Variants in LRRC8D observed in about 807,000 individuals in gnomAD.
LRRC8D encodes the protein leucine rich repeat containing 8 VRAC subunit D, also known as volume-regulated anion channel subunit LRRC8D.
Under a neutral mutation model 55.8 loss-of-function variants are expected in LRRC8D, and 20 were observed. The observed-to-expected ratio is 0.36, with a 90% CI of 0.25 to 0.52. The LOEUF is 0.52. Ranked by LOEUF, LRRC8D falls within the 20% of genes least tolerant of loss-of-function variation. The probability of loss-of-function intolerance (pLI) is 0.93; values close to 1 mark genes in which losing one functional copy is unlikely to be tolerated. For synonymous variants in LRRC8D, 352 were observed against 377.0 expected (o/e 0.93, Z 0.77); for missense variants, 651 against 1,030.8 (o/e 0.63, Z 5.05).
chr1:89,868,336 A>G (rs1054573501), intron 2 of LRRC8D, among the ~76,000 whole-genome samples: 2 of 152,182 alleles, frequency 1.3e-5, no homozygotes, highest in Non-Finnish European at 2.9e-5. Context: ...ACATTATAAT[A>G]AGTAAAAACA....
intron 2 of LRRC8D, among the ~76,000 whole-genome samples, chr1:89,886,561 TTAA>T (rs1421315108): frequency 2.2e-4 from 33 of 152,336 alleles, no homozygotes; most frequent in Admixed American, 2.0e-3. Flanking sequence ...CTTAAAGCAC[TTAA>T]TAATAAGCAA....
intron 2 of LRRC8D, among the ~76,000 whole-genome samples, chr1:89,920,651 A>G (rs767100335): frequency 1.6e-4 from 25 of 151,674 alleles, no homozygotes; most frequent in South Asian, 1.2e-3. Context: ...TGTAATACCC[A>G]TAACTATTAA....
chr1:89,859,874 T>C (rs1235411157), intron 2 of LRRC8D, among the ~76,000 whole-genome samples: 1 of 152,230 alleles, frequency 6.6e-6, no homozygotes, highest in Non-Finnish European at 1.5e-5. Flanking sequence ...GAGGTGGTTG[T>C]AAATAGGAAA....
At chr1:89,896,395 C>T (rs900889196) in intron 2 of LRRC8D, among the ~76,000 whole-genome samples, 2 of 152,114 alleles carry the variant, frequency 1.3e-5, no homozygotes, top group African/African-American at 4.8e-5. Context: ...GTGCCTGGCT[C>T]GTGGTCACGT....
rs998025176 is a variant in LRRC8D, at chr1:89,855,157, G to A, written c.-3+11375G>A. 3.3e-5 allele frequency among the ~76,000 whole-genome samples: 5 copies of A among 152,220 alleles called. No individual in the cohort carries two copies. The East Asian group carries it at 7.7e-4, about 24-fold the overall frequency. ...AGAAGAGAATCGAACAGTTGGAGAA[G>A]GATAAGTATTCAGAGGATCTTACCT... On this transcript the variant is annotated intron_variant, in intron 2 of 2. Transcript: ENST00000337338.
chr1:89,934,463 A>T lies in LRRC8D; in HGVS notation c.1395A>T (p.Ser465=). 6.2e-7 allele frequency: 1 copy of T among 1,614,134 alleles called. No individual in the cohort carries two copies. The highest frequency in any genetic ancestry group is 8.5e-7 in the Non-Finnish European group (1 of 1,180,016). Residue 465 remains serine, a synonymous_variant, in exon 3 of 3, where the codon TCA becomes TCT. Coordinates refer to ENST00000337338, the MANE Select transcript of LRRC8D (RefSeq NM_001134479.2). The surrounding 1 kb of genome is among the most constrained non-coding windows in gnomAD (Gnocchi z 5.9). ...TTGAAAAACTCAGGCAGCACATTTC[A>T]CGCAACGCCCAGGACAAGCAGGAGT... The part of the protein sequence containing the change: ...WTFEKLRQHI[S]RNAQDKQELH...
chr1:89,931,716 G>A (rs868136770), intron 2 of LRRC8D, among the ~76,000 whole-genome samples: 10 of 152,066 alleles, frequency 6.6e-5, no homozygotes, highest in South Asian at 4.2e-4. Flanking sequence ...CTGAGATCGC[G>A]CCACTGCACT....
rs1156474188 is a variant in LRRC8D, at chr1:89,911,553, C to G, written c.-2-21514C>G. On this transcript the variant is annotated intron_variant, in intron 2 of 2. Transcript: ENST00000337338. This position sits in a 1 kb window ranked among gnomAD's most constrained non-coding sequence, Gnocchi z 4.0. ...CTCACCCTGCTACTTCCAACTTTTA[C>G]CCCTCTACTCCTTTCCTATCCTGAA... 2.0e-5 allele frequency among the ~76,000 whole-genome samples: 3 copies of G among 152,166 alleles called. No individual in the cohort carries two copies. The highest frequency in any genetic ancestry group is 7.2e-5 in the African/African-American group (3 of 41,428).
intron 2 of LRRC8D, among the ~76,000 whole-genome samples, chr1:89,906,905 C>T (rs751989675): frequency 2.6e-5 from 4 of 151,878 alleles, no homozygotes; most frequent in Admixed American, 6.6e-5. Context: ...AACCTGTCAA[C>T]GGCTATTTTC....
intron 2 of LRRC8D, among the ~76,000 whole-genome samples, chr1:89,865,242 A>G (rs1394344726): frequency 6.6e-6 from 1 of 151,734 alleles, no homozygotes; most frequent in African/African-American, 2.4e-5. Flanking sequence ...CAACCTGTGA[A>G]TGAATTTCAT....
rs75866005 is a variant in LRRC8D, at chr1:89,912,153, G to A, written c.-2-20914G>A. 5.8e-3 allele frequency among the ~76,000 whole-genome samples: 881 copies of A among 152,004 alleles called. 15 individuals are homozygous for A. The highest frequency in any genetic ancestry group is 0.036 in the East Asian group (188 of 5,170). ...TATTCCAACTGAAAAATTGAATTGA[G>A]TGGAAATCATGTTGACTATAGAGTA... On this transcript the variant is annotated intron_variant, in intron 2 of 2. Transcript: ENST00000337338.
chr1:89,905,452 A>G (rs2100924899), intron 2 of LRRC8D, among the ~76,000 whole-genome samples: 1 of 152,330 alleles, frequency 6.6e-6, no homozygotes, highest in African/African-American at 2.4e-5. Flanking sequence ...TATCTTTAAT[A>G]AATATTCACT....
At chr1:89,879,679 G>A (rs933281164) in intron 2 of LRRC8D, among the ~76,000 whole-genome samples, 2 of 152,086 alleles carry the variant, frequency 1.3e-5, no homozygotes, top group Admixed American at 6.6e-5. Context: ...TTCTAATGAT[G>A]CATGTTGTAT....
At chr1:89,875,736 T>G (rs900561420) in intron 2 of LRRC8D, among the ~76,000 whole-genome samples, 1 of 152,212 alleles carries the variant, frequency 6.6e-6, no homozygotes, top group South Asian at 2.1e-4. Context: ...CAAACACTTA[T>G]AGAGGACTTA....
At chr1:89,906,893 C>A (rs566223578) in intron 2 of LRRC8D, among the ~76,000 whole-genome samples, 26 of 152,134 alleles carry the variant, frequency 1.7e-4, no homozygotes, top group Admixed American at 5.9e-4. Flanking sequence ...TCGTTGCATT[C>A]CAACCTGTCA....
intron 1 of LRRC8D, 73 bp from the exon 2 acceptor site, chr1:89,843,565 C>A (rs1661191956): frequency 1.4e-6 from 1 of 696,182 alleles, no homozygotes; most frequent in Non-Finnish European, 2.6e-6. Context: ...TCCCCGCCGC[C>A]CTGCACTCCT....
intron 2 of LRRC8D, among the ~76,000 whole-genome samples, chr1:89,860,657 C>CT (rs1661679170): frequency 1.4e-5 from 2 of 143,124 alleles, no homozygotes; most frequent in African/African-American, 5.2e-5. Context: ...ACTTGGGAGT[C>CT]TGAGGCAGGA....
intron 2 of LRRC8D, among the ~76,000 whole-genome samples, chr1:89,848,914 G>A (rs1224693577): frequency 2.0e-5 from 3 of 152,102 alleles, no homozygotes; most frequent in Admixed American, 2.0e-4. Context: ...TAGCCAGGAT[G>A]ATCTCGATCT....
At chr1:89,846,228 CCTT>C (rs1311274684) in intron 2 of LRRC8D, among the ~76,000 whole-genome samples, 3 of 152,072 alleles carry the variant, frequency 2.0e-5, no homozygotes, top group East Asian at 1.9e-4. Context: ...AACAGAGTCT[CCTT>C]CTATTCTAGT....
Sources: allele counts gnomAD v4.1 joint callset (sites outside exome capture counted in the v4.1 genomes callset), GRCh38; gene constraint gnomAD v4.1.1; non-coding constraint Gnocchi (gnomAD v3.1); transcripts MANE v1.5; gene names NCBI Gene and HGNC (gene_info 2026-07-23, HGNC 2026-07-21).